The following FREM2 variants were observed in gnomAD, a reference collection of about 807,000 sequenced individuals.
The protein encoded by FREM2 is FRAS1 related extracellular matrix 2.
In FREM2, 119 loss-of-function variants were observed where a neutral mutation model predicts 219.9. The observed-to-expected ratio is 0.54, with a 90% confidence interval of 0.47 to 0.63. FREM2 has a LOEUF of 0.63. FREM2 is among the 30% of genes least tolerant of loss of function. The pLI, the probability that FREM2 is intolerant of heterozygous loss-of-function variation, is 0.00. For synonymous variants in FREM2, 1,562 were observed against 1,522.8 expected (o/e 1.03, Z -0.60); for missense variants, 4,030 against 3,993.6 (o/e 1.01, Z -0.25).
At position 38,807,189 on chromosome 13, in the gene FREM2, T is replaced by TATATATATATATATACA. The variant is rs1555268805; in HGVS notation, c.6019+22381_6019+22382insATATATATATATATACA. The stretch of plus-strand genomic sequence containing the variant: ...CCTTTTTGCAGAGATCTTGTCTCTG[T>TATATATATATATATACA]TATATATATATATATATATATATAT... On this transcript the variant is annotated intron_variant, in intron 6 of 23. Transcript: ENST00000280481. 4.4e-5 allele frequency among the ~76,000 whole-genome samples: 2 copies of TATATATATATATATACA among 45,378 alleles called. 1 individual carries two copies. The highest frequency in any genetic ancestry group is 1.2e-4 in the African/African-American group (2 of 16,008). The allele number at this position is 45,378 out of a possible 152,430, so 29.8% of individuals were successfully genotyped here. A position where few individuals can be genotyped will look rare whatever the true frequency, so the allele number is the denominator to read the frequency against.
At chr13:38,812,328 G>A (rs1302393237) in intron 6 of FREM2, among the ~76,000 whole-genome samples, 1 of 152,022 alleles carries the variant, frequency 6.6e-6, no homozygotes, top group Admixed American at 6.6e-5. Context: ...ACTTACTCCT[G>A]CCATTTTGTT....
chr13:38,789,934 A>T (rs1422916252), intron 6 of FREM2, among the ~76,000 whole-genome samples: 2 of 151,952 alleles, frequency 1.3e-5, no homozygotes, highest in African/African-American at 2.4e-5. Flanking sequence ...ACTTCCTTGC[A>T]TATAATAATT....
chr13:38,818,442 A>G (rs1875858193), intron 6 of FREM2, among the ~76,000 whole-genome samples: 1 of 152,112 alleles, frequency 6.6e-6, no homozygotes, highest in African/African-American at 2.4e-5. Flanking sequence ...CAGAAAGACA[A>G]ATACCACATG....
Position 38,769,790 on chromosome 13 carries a change from A to C in FREM2, c.5623A>C (p.Ile1875Leu), listed in dbSNP as rs760825905. 6.2e-7 allele frequency: 1 copy of C among 1,613,838 alleles called. No homozygotes were observed. Among genetic ancestry groups the C allele is most frequent in the African/African-American group, 1.3e-5 (1 of 75,002 alleles). The change falls in exon 4 of 24, where the codon ATC becomes CTC. Residue 1875 changes from isoleucine (I) to leucine (L), a missense_variant. This residue lies in a region of FREM2 where 3,102 missense variants were observed against 2,950.7 expected (regional missense o/e 1.05). Coordinates refer to ENST00000280481, the MANE Select transcript of FREM2 (RefSeq NM_207361.6). ...LEFPTVATVE[I>L]VDPGDEPTVF... The stretch of plus-strand genomic sequence containing the variant: ...ATTCCCCACAGTCGCCACTGTTGAG[A>C]TCGTTGATCCAGGAGATGGTAAGAG...
intron 2 of FREM2, among the ~76,000 whole-genome samples, chr13:38,709,602 C>T (rs1007948964): frequency 1.3e-5 from 2 of 151,794 alleles, no homozygotes; most frequent in South Asian, 4.2e-4. Context: ...GGTATATATA[C>T]CTATGTTATA....
chr13:38,711,018 T>G (rs983975154), intron 2 of FREM2, among the ~76,000 whole-genome samples: 7 of 152,232 alleles, frequency 4.6e-5, no homozygotes, highest in Non-Finnish European at 8.8e-5. Flanking sequence ...TGTAGAGATA[T>G]CACTTCCAGA....
chr13:38,689,129 G>C lies in FREM2; in HGVS notation c.1785G>C (p.Leu595=). The C allele has an allele frequency of 1.2e-6, 2 of 1,613,852 alleles. No individual in the cohort carries two copies. The highest frequency in any genetic ancestry group is 1.7e-6 in the Non-Finnish European group (2 of 1,180,024). ...CTGACATGGATTCAGATGATTCTCT[G>C]CTGCTTTTTGTGCTGGAGTCACCCT... The part of the protein sequence containing the change: ...SATDMDSDDS[L]LLFVLESPFL... The change falls in exon 1 of 24, where the codon CTG becomes CTC. Residue 595 remains leucine (L), a synonymous_variant. Coordinates refer to ENST00000280481, the MANE Select transcript of FREM2 (RefSeq NM_207361.6).
At chr13:38,818,654 T>C (rs758467858) in intron 6 of FREM2, among the ~76,000 whole-genome samples, 2 of 152,030 alleles carry the variant, frequency 1.3e-5, no homozygotes, top group Non-Finnish European at 2.9e-5. Flanking sequence ...TGGTTAACAA[T>C]AAAATATTAT....
At chr13:38,810,786 A>G (rs1267688663) in intron 6 of FREM2, among the ~76,000 whole-genome samples, 1 of 151,768 alleles carries the variant, frequency 6.6e-6, no homozygotes, top group African/African-American at 2.4e-5. Context: ...TTCTTTTTTT[A>G]TATGTCTTTA....
At chr13:38,730,487 C>G (rs1203021769) in intron 2 of FREM2, among the ~76,000 whole-genome samples, 2 of 152,174 alleles carry the variant, frequency 1.3e-5, no homozygotes, top group African/African-American at 4.8e-5. Context: ...TTTCGCTGTT[C>G]TATCAGTGTG....
intron 4 of FREM2, among the ~76,000 whole-genome samples, chr13:38,781,930 C>A (rs1874133532): frequency 6.6e-6 from 1 of 152,170 alleles, no homozygotes; most frequent in Non-Finnish European, 1.5e-5. Context: ...GTGCAGCCAG[C>A]TCTGGAAACC....
chr13:38,831,077 G>T (rs891436680), intron 6 of FREM2, among the ~76,000 whole-genome samples: 5 of 152,178 alleles, frequency 3.3e-5, no homozygotes. Context: ...CAATAGTTTA[G>T]GAAACTGTAA....
intron 2 of FREM2, among the ~76,000 whole-genome samples, chr13:38,763,507 A>G (rs964301082): frequency 3.1e-5 from 4 of 127,588 alleles, no homozygotes; most frequent in African/African-American, 1.1e-4. Flanking sequence ...CTTAAAAGGC[A>G]TTACTGATGC....
intron 13 of FREM2, among the ~76,000 whole-genome samples, chr13:38,858,738 T>A (rs1015428144): frequency 6.6e-6 from 1 of 152,166 alleles, no homozygotes; most frequent in Non-Finnish European, 1.5e-5. Context: ...TTAAATGTCA[T>A]ATTAAGAAAT....
intron 4 of FREM2, among the ~76,000 whole-genome samples, chr13:38,780,054 C>G (rs1228611111): frequency 6.6e-6 from 1 of 152,170 alleles, no homozygotes; most frequent in Non-Finnish European, 1.5e-5. Flanking sequence ...TTTATTTTGA[C>G]TCGTGGCTCT....
At chr13:38,864,052 C>A (rs1312307722) in intron 15 of FREM2, among the ~76,000 whole-genome samples, 2 of 152,186 alleles carry the variant, frequency 1.3e-5, no homozygotes, top group African/African-American at 4.8e-5. Flanking sequence ...TGGTCTTGAA[C>A]TCCTGACCTC....
intron 11 of FREM2, among the ~76,000 whole-genome samples, chr13:38,852,859 C>T (rs1294047248): frequency 6.6e-6 from 1 of 151,950 alleles, no homozygotes; most frequent in Admixed American, 6.6e-5. Context: ...CATGCACCAC[C>T]ATGCCCAGCT....
At position 38,689,810 on chromosome 13, in the gene FREM2, GCATC is replaced by G. The variant is rs1204760915; in HGVS notation, c.2468_2471del (p.His823ProfsTer24). Reference sequence around the variant, plus strand: ...CTCCAGGTACCTTTACCCTTTACTTGCATCCCGTGGACAACCAGCCACCTGAGAT... The same window carrying G: ...CTCCAGGTACCTTTACCCTTTACTTGCCGTGGACAACCAGCCACCTGAGAT... On this transcript the variant is annotated frameshift_variant, in exon 1 of 24. Transcript: ENST00000280481. LOFTEE classifies it high-confidence loss of function. 1 of 1,613,890 alleles carries G rather than the reference GCATC, an allele frequency of 6.2e-7. No individual in the cohort carries two copies. Among genetic ancestry groups the G allele is most frequent in the Non-Finnish European group, 8.5e-7 (1 of 1,179,976 alleles).
rs1870177016 is a variant in FREM2 at position 38,697,785 on chromosome 13, G to A, written c.5261G>A (p.Gly1754Asp). 6 of 1,580,226 alleles carry A rather than the reference G, an allele frequency of 3.8e-6. No homozygotes were observed. The highest frequency in any genetic ancestry group is 5.2e-6 in the Non-Finnish European group (6 of 1,149,144). Residue 1754 changes from glycine (G) to aspartate (D), a missense_variant and splice_region_variant, in exon 2 of 24, where the codon GGT becomes GAT. By Grantham distance (94) the Gly-to-Asp change is moderately conservative (BLOSUM62 -1). Coordinates refer to ENST00000280481, the MANE Select transcript of FREM2 (RefSeq NM_207361.6). ...SDMFYFAVED[G>D]GGNKLTYQNF... The stretch of plus-strand genomic sequence containing the variant: ...ATGTTCTATTTTGCAGTTGAAGATG[G>A]TGGTAAGTATTCCCCTCTCCTGGTA...
Sources: gnomAD v4.1 joint callset for allele counts (sites outside exome capture counted in the v4.1 genomes callset) on GRCh38, gnomAD v4.1.1 for gene constraint, gnomAD v4.1.1 regional missense constraint, MANE v1.5 for transcripts, NCBI Gene and HGNC (gene_info 2026-07-23, HGNC 2026-07-21) for gene names.